PICALM: variants seen among roughly 807,000 people sequenced by gnomAD.
PICALM encodes phosphatidylinositol binding clathrin assembly protein.
Under a neutral mutation model 80.5 loss-of-function variants are expected in PICALM, and 40 were observed. That is an observed-to-expected ratio of 0.50 (90% CI 0.39 to 0.65). The LOEUF (loss-of-function observed/expected upper bound fraction) is 0.65. Among genes scored for constraint, PICALM ranks in the 30% least tolerant of loss-of-function variants. The probability of loss-of-function intolerance (pLI) is 0.00; values close to 1 mark genes in which losing one functional copy is unlikely to be tolerated. For missense variants in PICALM, 676 were observed against 778.9 expected, an observed-to-expected ratio of 0.87 and a Z score of 1.57; for synonymous variants, 288 against 260.3, an observed-to-expected ratio of 1.11 and a Z score of -1.02.
At chr11:85,999,577 G>C (rs1030714510) in intron 11 of PICALM, among the ~76,000 whole-genome samples, 1 of 151,794 alleles carries the variant, frequency 6.6e-6, no homozygotes, top group Admixed American at 6.6e-5. Flanking sequence ...AAAGCTGAAA[G>C]AAAAAAAAGA....
intron 1 of PICALM, among the ~76,000 whole-genome samples, chr11:86,044,720 G>A (rs1369718047): frequency 1.3e-5 from 2 of 152,214 alleles, no homozygotes; most frequent in Non-Finnish European, 2.9e-5. Context: ...GAGCTAGGAA[G>A]CATTACTGCC....
intron 1 of PICALM, among the ~76,000 whole-genome samples, chr11:86,033,970 C>T (rs796942809): frequency 1.2e-4 from 18 of 152,274 alleles, no homozygotes; most frequent in African/African-American, 3.6e-4. Context: ...AATACATGTG[C>T]AAATTTTCAA....
At chr11:85,971,218 G>C (rs895765550) in intron 19 of PICALM, among the ~76,000 whole-genome samples, 1 of 152,048 alleles carries the variant, frequency 6.6e-6, no homozygotes, top group Non-Finnish European at 1.5e-5. Context: ...TCCTTCATTT[G>C]CTTTTTCAGT....
intron 16 of PICALM, 132 bp from the exon 17 acceptor site, chr11:85,981,360 C>G (rs970782626): frequency 2.3e-5 from 14 of 602,676 alleles, no homozygotes; most frequent in Non-Finnish European, 3.8e-5. Context: ...AATCCCAGCA[C>G]TTTGGGAGGC....
At position 86,047,432 on chromosome 11, in the gene PICALM, ATT is replaced by A. The variant is rs1364585836; in HGVS notation, c.131-15823_131-15822del. On this transcript the variant is annotated intron_variant, in intron 1 of 19. Coordinates refer to ENST00000393346, the MANE Select transcript of PICALM (RefSeq NM_007166.4). ...TTCACAAGTTGCGAAAGTTCTGGGC[ATT>A]GCCCATTTCCAAATGACTCAAACTG... is the stretch of plus-strand genomic sequence containing the variant. Among the ~76,000 whole-genome samples the A allele has an allele frequency of 2.6e-5, 4 of 152,362 alleles. No individual in the cohort carries two copies. The East Asian group carries it at 5.8e-4, about 22-fold the overall frequency.
At chr11:86,046,739 G>A (rs1319137307) in intron 1 of PICALM, among the ~76,000 whole-genome samples, 1 of 152,088 alleles carries the variant, frequency 6.6e-6, no homozygotes, top group East Asian at 1.9e-4. Context: ...ATAAAGACAG[G>A]GTCTTACTCT....
intron 19 of PICALM, chr11:85,974,370 A>G (rs984906278): frequency 2.1e-6 from 1 of 468,502 alleles, no homozygotes; most frequent in South Asian, 1.6e-5. Context: ...AAGGAACTAA[A>G]GCTCTGAGTT....
At chr11:86,039,996 G>A (rs1343330723) in intron 1 of PICALM, among the ~76,000 whole-genome samples, 9 of 118,024 alleles carry the variant, frequency 7.6e-5, no homozygotes, top group Non-Finnish European at 1.5e-4. Context: ...AGAGCATGAC[G>A]CCGTCTCAAA....
At chr11:86,059,544 T>C (rs547742090) in intron 1 of PICALM, among the ~76,000 whole-genome samples, 5 of 152,300 alleles carry the variant, frequency 3.3e-5, no homozygotes, top group East Asian at 3.9e-4. Context: ...CTCACACTTA[T>C]AATCCCAGCA....
At position 85,982,423 on chromosome 11, in the gene PICALM, C is replaced by CTTTTTTTTTTTTTTTTT. The variant is rs59672357; in HGVS notation, c.1517-421_1517-420insAAAAAAAAAAAAAAAAA. Among the ~76,000 whole-genome samples, 133 of 70,130 alleles carry CTTTTTTTTTTTTTTTTT rather than the reference C, an allele frequency of 1.9e-3. 23 individuals are homozygous for CTTTTTTTTTTTTTTTTT. Among genetic ancestry groups the CTTTTTTTTTTTTTTTTT allele is most frequent in the East Asian group, 3.2e-3 (9 of 2,804 alleles). The allele number at this position is 70,130 out of a possible 152,430, so 46.0% of individuals were successfully genotyped here. On this transcript the variant is annotated intron_variant, in intron 14 of 19. Coordinates refer to ENST00000393346, the MANE Select transcript of PICALM (RefSeq NM_007166.4). ...ACGTTAAGAAATAAGATTTTATAGA[C>CTTTTTTTTTTTTTTTTT]TTTTTTTTTTTTTTTGAGACGGAGT...
At chr11:86,021,072 G>C (rs909411776) in intron 4 of PICALM, among the ~76,000 whole-genome samples, 1 of 152,148 alleles carries the variant, frequency 6.6e-6, no homozygotes, top group South Asian at 2.1e-4. Flanking sequence ...CAAAAGGCCA[G>C]GTCAGTAGCT....
At chr11:86,011,405 G>C (rs904559758) in intron 6 of PICALM, among the ~76,000 whole-genome samples, 5 of 152,182 alleles carry the variant, frequency 3.3e-5, no homozygotes, top group African/African-American at 1.2e-4. Flanking sequence ...GTACATATTT[G>C]TGTGTAAACA....
At chr11:86,045,981 A>G (rs545299320) in intron 1 of PICALM, among the ~76,000 whole-genome samples, 1 of 152,146 alleles carries the variant, frequency 6.6e-6, no homozygotes, top group Non-Finnish European at 1.5e-5. Context: ...ACTAGTTTTT[A>G]CTTTCATTGC....
At chr11:86,014,320 A>C (rs1222512631) in intron 5 of PICALM, among the ~76,000 whole-genome samples, 1 of 152,254 alleles carries the variant, frequency 6.6e-6, no homozygotes. Context: ...ATGACAAAAA[A>C]ACAGAACAGA....
intron 1 of PICALM, among the ~76,000 whole-genome samples, chr11:86,040,586 C>T (rs2095944266): frequency 6.6e-6 from 1 of 152,042 alleles, no homozygotes; most frequent in African/African-American, 2.4e-5. Flanking sequence ...CATCTATATC[C>T]CTAACATTTA....
rs10927 is a variant in PICALM, at chr11:85,957,801, A to G, written c.*1245T>C. 0.019 allele frequency: 4,233 copies of G among 220,510 alleles called. 68 individuals are homozygous for G. Among genetic ancestry groups the G allele is most frequent in the Non-Finnish European group, 0.029 (3,149 of 109,742 alleles). The allele number at this position is 220,510 out of a possible 1,614,324, so 13.7% of individuals were successfully genotyped here. Reference sequence around the variant, plus strand: ...GCAACAAGAATGCTTAAACTCATGTACAGAATTGCTTTCCTACAATGAACT... The same window carrying G: ...GCAACAAGAATGCTTAAACTCATGTGCAGAATTGCTTTCCTACAATGAACT... On this transcript the variant is annotated 3_prime_UTR_variant, in exon 20 of 20. Transcript: ENST00000393346.
chr11:86,039,101 A>G (rs1345123885), intron 1 of PICALM, among the ~76,000 whole-genome samples: 1 of 82,476 alleles, frequency 1.2e-5, no homozygotes, highest in East Asian at 3.6e-4. Context: ...ACAGAGTGAG[A>G]CTCTATCTCA....
chr11:86,047,276 T>C (rs935197521), intron 1 of PICALM, among the ~76,000 whole-genome samples: 2 of 152,218 alleles, frequency 1.3e-5, no homozygotes, highest in Non-Finnish European at 2.9e-5. Flanking sequence ...CAAATCTAAT[T>C]CCTAGTATAC....
At chr11:85,990,480 G>T in intron 12 of PICALM, 81 bp from the exon 13 acceptor site, 1 of 743,968 alleles carries the variant, frequency 1.3e-6, no homozygotes, top group Non-Finnish European at 2.0e-6. Context: ...AAGATGCAAA[G>T]TGAAAAGTAG....
Sources: allele counts gnomAD v4.1 joint callset (sites outside exome capture counted in the v4.1 genomes callset), GRCh38; gene constraint gnomAD v4.1.1; transcripts MANE v1.5; gene names NCBI Gene and HGNC (gene_info 2026-07-23, HGNC 2026-07-21).